The following GSN variants were observed in gnomAD, a reference collection of about 807,000 sequenced individuals.
The protein encoded by GSN is gelsolin, also known as actin-depolymerizing factor.
In GSN, 56 loss-of-function variants were observed where a neutral mutation model predicts 85.7. The ratio of observed to expected loss-of-function variants is 0.65; its 90% CI spans 0.53 to 0.82. The LOEUF (loss-of-function observed/expected upper bound fraction) is 0.82, where lower values mean the gene tolerates loss of function less well. GSN is among the 40% of genes least tolerant of loss of function. The pLI, the probability that GSN is intolerant of heterozygous loss-of-function variation, is 0.00. For synonymous variants in GSN, 373 were observed against 399.1 expected (o/e 0.93, Z 0.78); for missense variants, 857 against 979.8 (o/e 0.87, Z 1.67).
At chr9:121,281,283 C>T in intron 1 of GSN, 187 bp from the exon 2 acceptor site, 1 of 273,770 alleles carries the variant, frequency 3.7e-6, no homozygotes, top group Non-Finnish European at 7.2e-6. Context: ...TTTTACGCAG[C>T]CAAACCCTCC....
chr9:121,277,466 A>G (rs937412447), intron 1 of GSN, among the ~76,000 whole-genome samples: 1 of 152,174 alleles, frequency 6.6e-6, no homozygotes, highest in African/African-American at 2.4e-5. Flanking sequence ...ACAATCTGTT[A>G]TTAGTGTAGA....
intron 4 of GSN, among the ~76,000 whole-genome samples, chr9:121,303,599 A>C (rs2060120613): frequency 6.6e-6 from 1 of 152,058 alleles, no homozygotes; most frequent in African/African-American, 2.4e-5. Context: ...GAGCAAGGCC[A>C]AACTGGGAGC....
intron 2 of GSN, among the ~76,000 whole-genome samples, chr9:121,296,521 T>C (rs1865542): frequency 0.42 from 63,557 of 151,978 alleles, 14,610 homozygotes; most frequent in East Asian, 0.62. Context: ...TGGTACTGCT[T>C]GGGCTAGGAA....
intron 1 of GSN, chr9:121,281,092 A>C (rs935770409): frequency 1.2e-5 from 2 of 160,962 alleles, no homozygotes; most frequent in African/African-American, 4.8e-5. Flanking sequence ...GCTGGAGGAA[A>C]GGGGGTGCAC....
rs150948926 is a variant in GSN, at chr9:121,290,783, T to G, written c.-10+9221T>G. 1.5e-3 allele frequency among the ~76,000 whole-genome samples: 223 copies of G among 152,334 alleles called. 1 individual carries two copies. Among genetic ancestry groups the G allele is most frequent in the African/African-American group, 5.1e-3 (212 of 41,574 alleles). Reference sequence around the variant, plus strand: ...AATCCCAAAATACAGTACAACTTATTCCCTATAGTCCTCATGTTGCACATT... The same window carrying G: ...AATCCCAAAATACAGTACAACTTATGCCCTATAGTCCTCATGTTGCACATT... On this transcript the variant is annotated intron_variant, in intron 2 of 17. Transcript: ENST00000432226.
At chr9:121,250,403 A>T (rs913385542) in intron 6 of GSN, among the ~76,000 whole-genome samples, 21 of 151,950 alleles carry the variant, frequency 1.4e-4, no homozygotes, top group African/African-American at 4.4e-4. Context: ...ACGGGGTTTC[A>T]CCATGTTGGC....
intron 5 of GSN, chr9:121,239,113 C>G: frequency 2.8e-6 from 1 of 359,264 alleles, no homozygotes; most frequent in Non-Finnish European, 5.5e-6. Context: ...TCTACCTTCT[C>G]CTCGACCTGC....
chr9:121,268,292 C>T (rs1201395889), intron 1 of GSN, 73 bp downstream of exon 1: 1 of 152,122 alleles, frequency 6.6e-6, no homozygotes, highest in Non-Finnish European at 1.5e-5. Flanking sequence ...CCTCTCCCTT[C>T]CTTCCCGGTC....
chr9:121,261,103 G>A lies in GSN; in HGVS notation c.-340-4051G>A, dbSNP rs192968109. Among the ~76,000 whole-genome samples, 80 of 152,320 alleles carry A rather than the reference G, an allele frequency of 5.3e-4. No homozygotes were observed. The highest frequency in any genetic ancestry group is 9.4e-4 in the Non-Finnish European group (64 of 68,030). On this transcript the variant is annotated intron_variant, in intron 6 of 24. Transcript: ENST00000373823. The surrounding 1 kb of genome is among the most constrained non-coding windows in gnomAD (Gnocchi z 4.1). ...GTGATAATATAACTCTCTGTAAATG[G>A]TGCAGTCCACTGTACAAAGTACTGC...
At chr9:121,207,146 A>G (rs1040530645), upstream of GSN, among the ~76,000 whole-genome samples, 1 of 152,224 alleles carries the variant, frequency 6.6e-6, no homozygotes. Flanking sequence ...ATGTAACACA[A>G]CTGAATTAAA....
chr9:121,222,680 T>A (rs2054192071), intron 4 of GSN, among the ~76,000 whole-genome samples: 1 of 152,232 alleles, frequency 6.6e-6, no homozygotes, highest in Non-Finnish European at 1.5e-5. Flanking sequence ...TGAATCCATA[T>A]GGATCTGCAT....
At chr9:121,295,721 T>C (rs948400413) in intron 2 of GSN, among the ~76,000 whole-genome samples, 1 of 152,108 alleles carries the variant, frequency 6.6e-6, no homozygotes, top group African/African-American at 2.4e-5. Flanking sequence ...CAGGGGGACA[T>C]GGGCTGTACA....
At chr9:121,320,213 C>T (rs1270349956) in intron 10 of GSN, among the ~76,000 whole-genome samples, 1 of 152,188 alleles carries the variant, frequency 6.6e-6, no homozygotes, top group East Asian at 1.9e-4. Flanking sequence ...TCCGTGTCTC[C>T]ATAGCTCCAC....
exon 5 of GSN, chr9:121,231,266 C>T (rs1409953997): frequency 1.3e-5 from 2 of 152,284 alleles, no homozygotes; most frequent in Non-Finnish European, 2.9e-5. Context: ...CAGCAAACGG[C>T]ATTCCTTCCA....
At chr9:121,286,842 GT>G (rs751708028) in intron 2 of GSN, 1 of 1,161,320 alleles carries the variant, frequency 8.6e-7, no homozygotes, top group Non-Finnish European at 1.2e-6. Context: ...TCCTAATGGT[GT>G]AACCTTGGGC....
chr9:121,206,167 C>T (rs187099076), upstream of GSN, among the ~76,000 whole-genome samples: 18 of 152,080 alleles, frequency 1.2e-4, no homozygotes, highest in East Asian at 1.4e-3. Flanking sequence ...ATTTAAAAAA[C>T]GAATATATTT....
At position 121,281,549 on chromosome 9, in the gene GSN, C is replaced by T. The variant is rs1282687568; in HGVS notation, c.-23C>T. ...CCACGGAGCAGCACTCTTCACCCTGCACAGCCTTGTTAGGTAGGTAGAGCA... is the reference window on the plus strand; with the variant it reads ...CCACGGAGCAGCACTCTTCACCCTGTACAGCCTTGTTAGGTAGGTAGAGCA... On this transcript the variant is annotated 5_prime_UTR_variant, in exon 2 of 18. Coordinates refer to ENST00000432226, the MANE Select transcript of GSN (RefSeq NM_198252.3). 4.4e-6 allele frequency: 2 copies of T among 454,270 alleles called. No homozygotes were observed. Among genetic ancestry groups the T allele is most frequent in the Non-Finnish European group, 9.2e-6 (2 of 218,434 alleles). The allele number at this position is 454,270 out of a possible 1,614,324, so 28.1% of individuals were successfully genotyped here. A position where few individuals can be genotyped will look rare whatever the true frequency, so the allele number is the denominator to read the frequency against.
chr9:121,234,607 A>G (rs1042879315), intron 5 of GSN, among the ~76,000 whole-genome samples: 3 of 152,214 alleles, frequency 2.0e-5, no homozygotes, highest in African/African-American at 7.2e-5. Flanking sequence ...GTGACATACG[A>G]TGACTAGGTA....
Position 121,300,025 on chromosome 9 carries a change from CG to C in GSN, c.-9-1934del, listed in dbSNP as rs1179096888. On this transcript the variant is annotated intron_variant, in intron 2 of 17. Transcript: ENST00000432226. ...GCGCGGGTGAGTGCCCGGGGGGCCC[CG>C]GGGCTCCCGGAGTAACTCTCTATTG... 4.0e-6 allele frequency: 6 copies of C among 1,517,684 alleles called. No individual in the cohort carries two copies. In the African/African-American group the frequency reaches 7.1e-5, roughly 18 times the overall value. The allele number at this position is 1,517,684 out of a possible 1,614,324, so 94.0% of individuals were successfully genotyped here.
Sources: gnomAD v4.1 joint callset for allele counts (sites outside exome capture counted in the v4.1 genomes callset) on GRCh38, gnomAD v4.1.1 for gene constraint, Gnocchi (gnomAD v3.1) non-coding constraint, MANE v1.5 for transcripts, NCBI Gene and HGNC (gene_info 2026-07-23, HGNC 2026-07-21) for gene names.